PFKFB4: variants seen among roughly 807,000 people sequenced by gnomAD.
PFKFB4 encodes 6-phosphofructo-2-kinase/fructose-2,6-biphosphatase 4.
In PFKFB4, 42 loss-of-function variants were observed where a neutral mutation model predicts 62.8. That is an observed-to-expected ratio of 0.67 (90% CI 0.52 to 0.86). The LOEUF (loss-of-function observed/expected upper bound fraction) is 0.86, where lower values mean the gene tolerates loss of function less well. Ranked by LOEUF, PFKFB4 falls within the 40% of genes least tolerant of loss-of-function variation. The probability of loss-of-function intolerance (pLI) is 0.00; values close to 1 mark genes in which losing one functional copy is unlikely to be tolerated. For missense variants in PFKFB4, 475 were observed against 627.2 expected, an observed-to-expected ratio of 0.76 and a Z score of 2.59; for synonymous variants, 204 against 240.7, an observed-to-expected ratio of 0.85 and a Z score of 1.41.
intron 6 of PFKFB4, 112 bp downstream of exon 6, chr3:48,539,142 C>T (rs896114271): frequency 1.1e-5 from 9 of 820,992 alleles, no homozygotes; most frequent in Admixed American, 6.0e-5. Flanking sequence ...TTTGAAGTTA[C>T]ACTTCCTCCC....
rs768876039 is a variant in PFKFB4, at chr3:48,525,610, G to C, written c.1047C>G (p.Ala349=). Residue 349 remains alanine, a synonymous_variant, in exon 10 of 14, where the codon GCC becomes GCG. Transcript: ENST00000232375. ...EIQDNYPLEF[A]LRDQDKYRYR... ...ACCGGTACTTGTCCTGGTCCCGCAG[G>C]GCGAACTCCAGTGGATAATTATCCT... is the stretch of plus-strand genomic sequence containing the variant. The C allele has an allele frequency of 6.2e-7, 1 of 1,608,766 alleles. No homozygotes were observed. The highest frequency in any genetic ancestry group is 8.5e-7 in the Non-Finnish European group (1 of 1,176,996).
chr3:48,559,100 G>A (rs1323108485), upstream of PFKFB4, among the ~76,000 whole-genome samples: 4 of 152,206 alleles, frequency 2.6e-5, no homozygotes, highest in African/African-American at 9.7e-5. Flanking sequence ...GGCCTGGGCA[G>A]GGGGCCAGGG....
chr3:48,521,287 G>A lies in PFKFB4; in HGVS notation c.1350+699C>T, dbSNP rs1260204293. Among the ~76,000 whole-genome samples the A allele has an allele frequency of 6.6e-6, 1 of 152,182 alleles. No individual in the cohort carries two copies. Among genetic ancestry groups the A allele is most frequent in the Non-Finnish European group, 1.5e-5 (1 of 68,036 alleles). On this transcript the variant is annotated intron_variant, in intron 13 of 13. Transcript: ENST00000232375. This position sits in a 1 kb window ranked among gnomAD's most constrained non-coding sequence, Gnocchi z 5.3. ...AACTGGGACCGGGGCTCCCAGAAGT[G>A]TAGGTCCTATCCTTGGCCCCAGTGG...
intron 3 of PFKFB4, among the ~76,000 whole-genome samples, chr3:48,544,216 G>A (rs190175851): frequency 6.6e-5 from 10 of 152,078 alleles, no homozygotes; most frequent in East Asian, 3.9e-4. Context: ...AAAAGCAGCC[G>A]TTTTCTTGTG....
intron 12 of PFKFB4, 119 bp downstream of exon 12, chr3:48,523,418 T>A: frequency 1.1e-6 from 1 of 924,216 alleles, no homozygotes; most frequent in Admixed American, 2.0e-5. Flanking sequence ...GGTGGTGGGG[T>A]AGTAGGTGGA....
chr3:48,553,482 AAAG>A (rs1236534505), intron 1 of PFKFB4, among the ~76,000 whole-genome samples: 6 of 152,230 alleles, frequency 3.9e-5, no homozygotes, highest in African/African-American at 1.4e-4. Context: ...CAAAAAAAAA[AAAG>A]AACACACTGT....
intron 4 of PFKFB4, 128 bp downstream of exon 4, chr3:48,543,452 G>A (rs1029530743): frequency 1.2e-6 from 1 of 818,054 alleles, no homozygotes; most frequent in Non-Finnish European, 2.1e-6. Context: ...TCCTCCCAAG[G>A]GCTGGCACCC....
chr3:48,543,184 C>T (rs892935167), intron 4 of PFKFB4, among the ~76,000 whole-genome samples: 4 of 152,208 alleles, frequency 2.6e-5, no homozygotes, highest in African/African-American at 9.7e-5. Flanking sequence ...GGCCAACACA[C>T]AGGTGGAATC....
chr3:48,539,117 A>AT, intron 6 of PFKFB4, 137 bp downstream of exon 6: 2 of 729,072 alleles, frequency 2.7e-6, no homozygotes, highest in Non-Finnish European at 5.0e-6. Flanking sequence ...AGGGCGAGGC[A>AT]TACCTGACCC....
At chr3:48,556,858 T>C (rs2043341985), upstream of PFKFB4, 21 of 1,495,834 alleles carry the variant, frequency 1.4e-5, no homozygotes, top group Middle Eastern at 1.8e-4. This position sits in a 1 kb window ranked among gnomAD's most constrained non-coding sequence, Gnocchi z 5.7. Flanking sequence ...TCCCGCCCCT[T>C]GGGCCCCGCC....
chr3:48,541,169 C>T (rs1245725168), intron 4 of PFKFB4, among the ~76,000 whole-genome samples: 1 of 151,500 alleles, frequency 6.6e-6, no homozygotes, highest in East Asian at 1.9e-4. Flanking sequence ...GCTGCAAGCT[C>T]TGTCTCCCAG....
intron 8 of PFKFB4, 122 bp from the exon 9 acceptor site, chr3:48,535,780 G>C: frequency 2.6e-6 from 3 of 1,163,738 alleles, no homozygotes; most frequent in South Asian, 1.5e-5. Context: ...TTGGTAAAAA[G>C]CATGAACTAA....
intron 9 of PFKFB4, among the ~76,000 whole-genome samples, chr3:48,529,047 A>T (rs865954755): frequency 3.0e-4 from 46 of 151,464 alleles, no homozygotes; most frequent in Middle Eastern, 3.4e-3. Context: ...TTATTTATTT[A>T]TTTTTTTAGA....
upstream of PFKFB4, chr3:48,557,085 C>A: frequency 1.3e-6 from 1 of 790,220 alleles, no homozygotes; most frequent in Non-Finnish European, 1.7e-6. Flanking sequence ...AGTTCAAGGC[C>A]CGGATTGTGC....
upstream of PFKFB4, among the ~76,000 whole-genome samples, chr3:48,559,023 C>G (rs2043392271): frequency 6.6e-6 from 1 of 152,250 alleles, no homozygotes; most frequent in Non-Finnish European, 1.5e-5. Context: ...AGCACCTCCT[C>G]TGGCCTGTCC....
chr3:48,536,529 C>T, intron 7 of PFKFB4, 66 bp from the exon 8 acceptor site: 1 of 1,296,990 alleles, frequency 7.7e-7, no homozygotes, highest in Non-Finnish European at 1.1e-6. Context: ...GCACATCTGG[C>T]TAGCCACGGA....
chr3:48,525,774 C>T, intron 9 of PFKFB4, 105 bp from the exon 10 acceptor site: 1 of 520,334 alleles, frequency 1.9e-6, no homozygotes, highest in Non-Finnish European at 3.4e-6. Flanking sequence ...AGTTCACGGG[C>T]ATTTCCTGGG....
chr3:48,562,631 G>A (rs140755011), upstream of PFKFB4: 257 of 699,704 alleles, frequency 3.7e-4, 1 homozygote, highest in Non-Finnish European at 4.8e-4. The surrounding 1 kb of genome is among the most constrained non-coding windows in gnomAD (Gnocchi z 4.3). Flanking sequence ...GCATGACAGT[G>A]GCTCCATGTG....
intron 10 of PFKFB4, 57 bp from the exon 11 acceptor site, chr3:48,523,887 A>C (rs971473766): frequency 6.4e-7 from 1 of 1,551,494 alleles, no homozygotes; most frequent in Admixed American, 1.8e-5. Flanking sequence ...AGGGACAGAC[A>C]CATCCTGGAC....
Sources: gnomAD v4.1 joint callset for allele counts (sites outside exome capture counted in the v4.1 genomes callset) on GRCh38, gnomAD v4.1.1 for gene constraint, Gnocchi (gnomAD v3.1) non-coding constraint, MANE v1.5 for transcripts, NCBI Gene and HGNC (gene_info 2026-07-23, HGNC 2026-07-21) for gene names.